The following DDC variants were observed in gnomAD, a reference collection of about 807,000 sequenced individuals.
The protein encoded by DDC is dopa decarboxylase.
Under a neutral mutation model 60.0 loss-of-function variants are expected in DDC, and 43 were observed. The observed-to-expected ratio is 0.72, with a 90% CI of 0.56 to 0.92. The LOEUF is 0.92. Among genes scored for constraint, DDC ranks in the 40% least tolerant of loss-of-function variants. DDC has a pLI of 0.00. For missense variants in DDC, 573 were observed against 620.2 expected (o/e 0.92, Z 0.81); for synonymous variants, 232 against 234.6 (o/e 0.99, Z 0.10).
intron 3 of DDC, among the ~76,000 whole-genome samples, chr7:50,538,718 G>A (rs2044503386): frequency 6.6e-6 from 1 of 152,246 alleles, no homozygotes. Context: ...AGGCCTGAGG[G>A]CAATCAGACT....
rs2042173762 is a variant in DDC at position 50,458,488 on chromosome 7, A to C, written c.*374T>G. 1 of 152,250 alleles carries C rather than the reference A, an allele frequency of 6.6e-6. No homozygotes were observed. Among genetic ancestry groups the C allele is most frequent in the Non-Finnish European group, 1.5e-5 (1 of 68,048 alleles). 9.4% of individuals were successfully genotyped at this position (152,250 alleles called of 1,614,324 possible). ...GGCATTTAGCCACATGACAAAAGAC[A>C]ATTTGAAGACCACAGATATAATTTC... On this transcript the variant is annotated 3_prime_UTR_variant, in exon 15 of 15. Coordinates refer to ENST00000444124, the MANE Select transcript of DDC (RefSeq NM_001082971.2).
chr7:50,493,744 GT>G (rs1357400071), intron 9 of DDC, among the ~76,000 whole-genome samples: 1 of 151,892 alleles, frequency 6.6e-6, no homozygotes, highest in Non-Finnish European at 1.5e-5. Context: ...TATAGCAGAA[GT>G]TTGGGGAAAA....
intron 9 of DDC, among the ~76,000 whole-genome samples, chr7:50,483,652 C>G (rs1218296642): frequency 1.3e-5 from 2 of 152,040 alleles, no homozygotes; most frequent in Non-Finnish European, 2.9e-5. Context: ...CCTGTAATCC[C>G]AGCACTTTGG....
At position 50,513,562 on chromosome 7, in the gene DDC, A is replaced by T. The variant is rs914306090; in HGVS notation, c.715-9503T>A. The stretch of plus-strand genomic sequence containing the variant: ...AAGCCCTTTTCTTTCATAGCTGGGA[A>T]GTAGGTAGCCTGGGGCAAGTTTTTA... On this transcript the variant is annotated intron_variant, in intron 6 of 14. Coordinates refer to ENST00000444124, the MANE Select transcript of DDC (RefSeq NM_001082971.2). Among the ~76,000 whole-genome samples the T allele has an allele frequency of 3.3e-5, 5 of 152,150 alleles. 1 individual carries two copies.
At chr7:50,488,353 A>G (rs1446931122) in intron 9 of DDC, among the ~76,000 whole-genome samples, 1 of 152,002 alleles carries the variant, frequency 6.6e-6, no homozygotes, top group African/African-American at 2.4e-5. Context: ...TAATTCAAAG[A>G]TTACTTAAAG....
chr7:50,504,093 C>T lies in DDC; in HGVS notation c.715-34G>A, dbSNP rs757590719. The stretch of plus-strand genomic sequence containing the variant: ...TAAAAAGCAGACAGCCTTTTATTCC[C>T]CAGGTGCCAGTCACCGCTGTAACCT... On this transcript the variant is annotated intron_variant, in intron 6 of 14. Coordinates refer to ENST00000444124, the MANE Select transcript of DDC (RefSeq NM_001082971.2). 3 of 1,504,344 alleles carry T rather than the reference C, an allele frequency of 2.0e-6. No individual in the cohort carries two copies. The East Asian group carries it at 6.8e-5, about 34-fold the overall frequency. The allele number at this position is 1,504,344 out of a possible 1,614,324, so 93.2% of individuals were successfully genotyped here. A position where few individuals can be genotyped will look rare whatever the true frequency, so the allele number is the denominator to read the frequency against.
At chr7:50,467,032 G>A (rs956069561) in intron 13 of DDC, among the ~76,000 whole-genome samples, 182 bp downstream of exon 13, 3 of 152,256 alleles carry the variant, frequency 2.0e-5, no homozygotes, top group Admixed American at 6.5e-5. Flanking sequence ...GGGAACAGCC[G>A]CTGTGCGTGG....
At chr7:50,527,163 C>T (rs1364583175) in intron 6 of DDC, among the ~76,000 whole-genome samples, 1 of 152,148 alleles carries the variant, frequency 6.6e-6, no homozygotes, top group Non-Finnish European at 1.5e-5. Flanking sequence ...TGGAATGTTG[C>T]CTTTTTGCTT....
chr7:50,486,627 A>C (rs1290939225), intron 9 of DDC, among the ~76,000 whole-genome samples: 1 of 152,126 alleles, frequency 6.6e-6, no homozygotes, highest in Admixed American at 6.6e-5. Flanking sequence ...CACATGTTGA[A>C]GCTCCACCTC....
chr7:50,546,645 C>T (rs1236707404), intron 1 of DDC, among the ~76,000 whole-genome samples: 1 of 152,202 alleles, frequency 6.6e-6, no homozygotes, highest in East Asian at 1.9e-4. Flanking sequence ...CATTGGCATT[C>T]TCTCTAATAT....
In DDC at chr7:50,528,258, G is replaced by C. The variant is rs2044097322; in HGVS notation, c.593C>G (p.Ala198Gly). 1 of 1,614,146 alleles carries C rather than the reference G, an allele frequency of 6.2e-7. No individual in the cohort carries two copies. The highest frequency in any genetic ancestry group is 1.1e-5 in the South Asian group (1 of 91,086). The change falls in exon 6 of 15, where the codon GCT (alanine) becomes GGT (glycine). Residue 198 changes from alanine (A) to glycine (G), a missense_variant. Physicochemically the swap from Ala to Gly is moderately conservative, Grantham distance 60 (BLOSUM62 0). Coordinates refer to ENST00000444124, the MANE Select transcript of DDC (RefSeq NM_001082971.2). Reference protein sequence around the residue: ...SDQAHSSVERAGLIGGVKLKA... With the variant: ...SDQAHSSVERGGLIGGVKLKA... ...TAATTTCACTCCACCAATTAACCCA[G>C]CTCTTTCCACTGAGGAGTGTGCCTG...
rs1409868140 is a variant in DDC, at chr7:50,565,266, T to C, written c.-29+19A>G. On this transcript the variant is annotated intron_variant, in intron 1 of 14. Coordinates refer to ENST00000444124, the MANE Select transcript of DDC (RefSeq NM_001082971.2). ...TTTCCACTACTACAATCTGAGTAGG[T>C]ATAAAATCAGAGACTTACATGCTGG... 2.0e-5 allele frequency: 3 copies of C among 152,214 alleles called. No individual in the cohort carries two copies. The highest frequency in any genetic ancestry group is 4.4e-5 in the Non-Finnish European group (3 of 68,036). The allele number at this position is 152,214 out of a possible 1,614,324, so 9.4% of individuals were successfully genotyped here. A position where few individuals can be genotyped will look rare whatever the true frequency, so the allele number is the denominator to read the frequency against.
At chr7:50,459,945 C>T (rs529891790) in intron 14 of DDC, among the ~76,000 whole-genome samples, 6,686 of 140,858 alleles carry the variant, frequency 0.047, 513 homozygotes, top group African/African-American at 0.13. Context: ...GGTCAGCCCC[C>T]TGCCCGGCCA....
intron 11 of DDC, among the ~76,000 whole-genome samples, chr7:50,475,693 AT>A (rs5884154): frequency 0.76 from 109,376 of 144,136 alleles, 41,322 homozygotes; most frequent in Admixed American, 0.82. Flanking sequence ...GACACAGGTC[AT>A]TTTTTTTTTT....
chr7:50,554,339 ACT>A (rs1213180918), intron 1 of DDC, among the ~76,000 whole-genome samples: 1 of 151,622 alleles, frequency 6.6e-6, no homozygotes, highest in Non-Finnish European at 1.5e-5. Flanking sequence ...AAATATGAGG[ACT>A]CTCTACTTTC....
chr7:50,524,359 T>A (rs1192051250), intron 6 of DDC, among the ~76,000 whole-genome samples: 1 of 152,252 alleles, frequency 6.6e-6, no homozygotes, highest in Non-Finnish European at 1.5e-5. Context: ...ATCACACTAC[T>A]GCAGGATGCT....
At chr7:50,494,270 G>A (rs1351846444) in intron 9 of DDC, among the ~76,000 whole-genome samples, 2 of 152,198 alleles carry the variant, frequency 1.3e-5, no homozygotes, top group East Asian at 3.9e-4. Flanking sequence ...CATTTTGGGA[G>A]GCCGAGGAGG....
chr7:50,467,918 G>A (rs976187859), intron 12 of DDC, among the ~76,000 whole-genome samples: 7 of 152,192 alleles, frequency 4.6e-5, no homozygotes, highest in South Asian at 4.1e-4. Context: ...CATCCTGTCC[G>A]CTCTGTCACA....
At position 50,529,304 on chromosome 7, in the gene DDC, G is replaced by C; in HGVS notation, c.474C>G (p.Ala158=). Residue 158 remains alanine, a synonymous_variant, in exon 5 of 15, where the codon GCC becomes GCG. Transcript: ENST00000444124. ...ASEATLVALL[A]ARTKVIHRLQ... is the part of the protein sequence containing the mutation. The stretch of plus-strand genomic sequence containing the variant: ...GCCGATGGATCACTTTGGTCCGAGC[G>C]GCCAGCAGGGCCACCAGGGTGGCTT... 6.2e-7 allele frequency: 1 copy of C among 1,614,142 alleles called. No individual in the cohort carries two copies. The highest frequency in any genetic ancestry group is 1.3e-5 in the African/African-American group (1 of 75,036).
Sources: allele counts gnomAD v4.1 joint callset (sites outside exome capture counted in the v4.1 genomes callset), GRCh38; gene constraint gnomAD v4.1.1; transcripts MANE v1.5; gene names NCBI Gene and HGNC (gene_info 2026-07-23, HGNC 2026-07-21).